The following SETDB2 variants were observed in gnomAD, a reference collection of about 807,000 sequenced individuals.
SETDB2 encodes histone-lysine N-methyltransferase SETDB2.
A neutral mutation model predicts 82.5 loss-of-function variants in SETDB2; 56 were observed. The ratio of observed to expected loss-of-function variants is 0.68; its 90% CI spans 0.55 to 0.85. The LOEUF (loss-of-function observed/expected upper bound fraction) is 0.85. Ranked by LOEUF, SETDB2 falls within the 40% of genes least tolerant of loss-of-function variation. SETDB2 has a pLI of 0.00. For synonymous variants in SETDB2, 272 were observed against 284.9 expected (o/e 0.95, Z 0.46); for missense variants, 677 against 816.4 (o/e 0.83, Z 2.08).
At chr13:49,472,853 A>T (rs1958277315) in intron 5 of SETDB2, among the ~76,000 whole-genome samples, 1 of 152,106 alleles carries the variant, frequency 6.6e-6, no homozygotes, top group Non-Finnish European at 1.5e-5. Flanking sequence ...TCTCAGTGTT[A>T]ATTGCTCAGT....
chr13:49,451,115 A>T (rs1239704020), intron 1 of SETDB2, among the ~76,000 whole-genome samples: 2 of 151,692 alleles, frequency 1.3e-5, no homozygotes, highest in African/African-American at 4.8e-5. Flanking sequence ...AATTAAATAT[A>T]CTACAATCCA....
At position 49,444,512 on chromosome 13, in the gene SETDB2, A is replaced by G. The variant is rs991351945; in HGVS notation, c.-687A>G. ...GTAGAAAACGCAGCGGAGCCAGGTG[A>G]AACCAAGGCACCGCCGTGGCTGGCC... On this transcript the variant is annotated 5_prime_UTR_variant, in exon 1 of 14. It removes the in-frame stop codon of an upstream open reading frame in the 5' UTR. Coordinates refer to ENST00000611815, the MANE Select transcript of SETDB2 (RefSeq NM_001160308.3). 7 of 160,378 alleles carry G rather than the reference A, an allele frequency of 4.4e-5. No homozygotes were observed. The highest frequency in any genetic ancestry group is 1.7e-4 in the Admixed American group (3 of 17,164). 9.9% of individuals were successfully genotyped at this position (160,378 alleles called of 1,614,324 possible).
intron 11 of SETDB2, among the ~76,000 whole-genome samples, chr13:49,487,997 TGAA>T (rs1958630694): frequency 6.6e-6 from 1 of 152,180 alleles, no homozygotes; most frequent in East Asian, 1.9e-4. Flanking sequence ...AATATAATAA[TGAA>T]GAAGCAAGAT....
intron 4 of SETDB2, among the ~76,000 whole-genome samples, chr13:49,462,294 A>T (rs1220837944): frequency 6.6e-6 from 1 of 152,186 alleles, no homozygotes; most frequent in Non-Finnish European, 1.5e-5. Flanking sequence ...CTTTCTGACA[A>T]CCAGCCCCCA....
At chr13:49,458,211 G>A (rs1957928542) in intron 2 of SETDB2, among the ~76,000 whole-genome samples, 1 of 152,262 alleles carries the variant, frequency 6.6e-6, no homozygotes, top group African/African-American at 2.4e-5. Flanking sequence ...AGCCTCCTGA[G>A]TAGCTCGGAC....
chr13:49,469,549 T>A (rs1438228407), intron 5 of SETDB2, among the ~76,000 whole-genome samples: 2 of 152,226 alleles, frequency 1.3e-5, no homozygotes, highest in African/African-American at 4.8e-5. Flanking sequence ...TGATGCCTTC[T>A]TCTAGAGATT....
chr13:49,453,091 G>A (rs1021694016), intron 2 of SETDB2, among the ~76,000 whole-genome samples: 4 of 151,972 alleles, frequency 2.6e-5, no homozygotes, highest in Admixed American at 6.6e-5. Context: ...GAATATCTAC[G>A]TTAATTATAT....
At chr13:49,455,304 C>T (rs1373864335) in intron 2 of SETDB2, among the ~76,000 whole-genome samples, 1 of 152,154 alleles carries the variant, frequency 6.6e-6, no homozygotes, top group Non-Finnish European at 1.5e-5. Context: ...CAAAACTCAA[C>T]AGGTAGTCAT....
chr13:49,472,060 C>T (rs939510428), intron 5 of SETDB2, among the ~76,000 whole-genome samples: 3 of 150,940 alleles, frequency 2.0e-5, no homozygotes, highest in South Asian at 2.1e-4. Context: ...CATGAGCCAC[C>T]GCACCCAACC....
intron 2 of SETDB2, among the ~76,000 whole-genome samples, chr13:49,457,756 A>C (rs973872626): frequency 2.0e-5 from 3 of 152,208 alleles, no homozygotes; most frequent in African/African-American, 7.2e-5. Flanking sequence ...AAAAAAACAA[A>C]AATTCATTGA....
At chr13:49,481,626 A>G (rs188289754) in intron 8 of SETDB2, among the ~76,000 whole-genome samples, 73 of 152,348 alleles carry the variant, frequency 4.8e-4, no homozygotes, top group African/African-American at 1.6e-3. Context: ...CATGCTGCAG[A>G]GCAAAACTTC....
chr13:49,476,426 A>G, intron 5 of SETDB2, 50 bp from the exon 6 acceptor site: 2 of 1,204,818 alleles, frequency 1.7e-6, no homozygotes, highest in Non-Finnish European at 2.3e-6. Flanking sequence ...TTTTAAAATG[A>G]GGAATTGAAC....
At chr13:49,464,595 C>T (rs568434460) in intron 4 of SETDB2, among the ~76,000 whole-genome samples, 18 of 151,950 alleles carry the variant, frequency 1.2e-4, no homozygotes, top group African/African-American at 3.6e-4. Context: ...ATAGAAATGC[C>T]GAATATTATA....
intron 1 of SETDB2, among the ~76,000 whole-genome samples, chr13:49,445,340 A>C (rs747072748): frequency 1.3e-5 from 2 of 152,238 alleles, no homozygotes; most frequent in Non-Finnish European, 2.9e-5. Flanking sequence ...AGGAAATGGT[A>C]AACGTGTTTT....
intron 4 of SETDB2, among the ~76,000 whole-genome samples, chr13:49,463,831 A>G (rs1958047786): frequency 6.6e-6 from 1 of 152,202 alleles, no homozygotes; most frequent in Admixed American, 6.5e-5. Flanking sequence ...TCTCCTCTCT[A>G]TGTTGAGGGA....
At chr13:49,477,586 A>G (rs1958394034) in intron 6 of SETDB2, among the ~76,000 whole-genome samples, 2 of 152,234 alleles carry the variant, frequency 1.3e-5, no homozygotes, top group South Asian at 2.1e-4. Context: ...TAGTACTAAT[A>G]CATTAAAAGA....
chr13:49,471,512 G>T (rs1958241556), intron 5 of SETDB2, among the ~76,000 whole-genome samples: 1 of 149,294 alleles, frequency 6.7e-6, no homozygotes. Flanking sequence ...TTTATTAGAA[G>T]TGTACGAGGT....
chr13:49,467,636 G>A (rs1282731834), intron 4 of SETDB2, among the ~76,000 whole-genome samples: 1 of 152,144 alleles, frequency 6.6e-6, no homozygotes, highest in Non-Finnish European at 1.5e-5. Flanking sequence ...CCAAACTAGA[G>A]TTTCTACAGT....
intron 10 of SETDB2, among the ~76,000 whole-genome samples, chr13:49,484,697 GA>G (rs2138978567): frequency 6.6e-6 from 1 of 152,332 alleles, no homozygotes; most frequent in African/African-American, 2.4e-5. Context: ...GTCAGAGACT[GA>G]AACGTAGAAG....
Sources: allele counts gnomAD v4.1 joint callset (sites outside exome capture counted in the v4.1 genomes callset), GRCh38; gene constraint gnomAD v4.1.1; transcripts MANE v1.5; gene names NCBI Gene and HGNC (gene_info 2026-07-23, HGNC 2026-07-21).